The following DPP6 variants were observed in gnomAD, a reference collection of about 807,000 sequenced individuals.
The protein encoded by DPP6 is A-type potassium channel modulatory protein DPP6.
DPP6 carries 69 observed loss-of-function variants against 122.6 expected under a neutral mutation model. That is an observed-to-expected ratio of 0.56 (90% CI 0.46 to 0.69). DPP6 has a LOEUF of 0.69. Ranked by LOEUF, DPP6 falls within the 30% of genes least tolerant of loss-of-function variation. The pLI is 0.00. For synonymous variants in DPP6, 418 were observed against 433.1 expected (o/e 0.97, Z 0.43); for missense variants, 928 against 1,116.9 (o/e 0.83, Z 2.41).
intron 7 of DPP6, among the ~76,000 whole-genome samples, chr7:154,674,884 A>G (rs1586863999): frequency 1.3e-5 from 2 of 152,308 alleles, no homozygotes; most frequent in South Asian, 4.1e-4. Context: ...GGAAAGGCCA[A>G]CTTCCTCATC....
chr7:153,842,102 G>A, the DPP6 span, among the ~76,000 whole-genome samples: 166 of 152,236 alleles, frequency 1.1e-3, no homozygotes, highest in African/African-American at 3.8e-3. Context: ...TAAACATGTC[G>A]TTCCTATAAA....
At chr7:154,411,726 T>C (rs1227158775) in intron 1 of DPP6, among the ~76,000 whole-genome samples, 1 of 152,228 alleles carries the variant, frequency 6.6e-6, no homozygotes, top group Non-Finnish European at 1.5e-5. Context: ...TTTTTAACTT[T>C]TGTTTATAGG....
At chr7:154,779,685 C>T (rs1489559948) in intron 10 of DPP6, among the ~76,000 whole-genome samples, 3 of 152,136 alleles carry the variant, frequency 2.0e-5, no homozygotes, top group African/African-American at 7.2e-5. Flanking sequence ...TCCTGCTTTC[C>T]TCCCTCAGGC....
At chr7:154,351,229 C>T (rs181340720) in intron 1 of DPP6, among the ~76,000 whole-genome samples, 155 of 152,236 alleles carry the variant, frequency 1.0e-3, no homozygotes, top group African/African-American at 3.4e-3. Context: ...TTTATGAGGA[C>T]GGTTTCCCTG....
At chr7:153,850,425 T>C in the DPP6 span, among the ~76,000 whole-genome samples, 17 of 152,090 alleles carry the variant, frequency 1.1e-4, 1 homozygote, top group Admixed American at 9.8e-4. Context: ...AGGGAGCGAG[T>C]CTACTGCCAA....
At chr7:154,636,378 G>A (rs1039627426) in intron 5 of DPP6, among the ~76,000 whole-genome samples, 2 of 152,152 alleles carry the variant, frequency 1.3e-5, no homozygotes, top group Non-Finnish European at 2.9e-5. Context: ...GCCAGCACCA[G>A]GCCCTTCCTT....
intron 1 of DPP6, among the ~76,000 whole-genome samples, chr7:154,380,876 T>G (rs1563575254): frequency 6.6e-6 from 1 of 152,190 alleles, no homozygotes; most frequent in East Asian, 1.9e-4. Flanking sequence ...TTGCCAGGAA[T>G]GCATAGCTTA....
chr7:153,946,950 G>C (rs1801975245), intron 1 of DPP6, among the ~76,000 whole-genome samples: 1 of 152,096 alleles, frequency 6.6e-6, no homozygotes, highest in Non-Finnish European at 1.5e-5. Context: ...AAGAGGAGCG[G>C]ATCTAGAGCC....
chr7:154,889,218 T>A, intron 23 of DPP6, 54 bp from the exon 24 acceptor site: 1 of 1,581,376 alleles, frequency 6.3e-7, no homozygotes, highest in Non-Finnish European at 8.6e-7. Flanking sequence ...GCAGAACACC[T>A]GGCTCCCTGC....
chr7:154,686,414 G>A (rs950554511), intron 7 of DPP6, among the ~76,000 whole-genome samples: 1 of 104,312 alleles, frequency 9.6e-6, no homozygotes, highest in Non-Finnish European at 2.3e-5. Context: ...CCACCATAAG[G>A]ATTTTTTTTT....
chr7:153,920,444 T>A (rs887108), intron 1 of DPP6, among the ~76,000 whole-genome samples: 8 of 152,100 alleles, frequency 5.3e-5, no homozygotes, highest in African/African-American at 1.9e-4. Context: ...ACAAGAGGCC[T>A]CAAAGCAGCG....
intron 8 of DPP6, among the ~76,000 whole-genome samples, chr7:154,754,962 A>T (rs983718723): frequency 5.9e-5 from 9 of 152,148 alleles, no homozygotes; most frequent in Admixed American, 4.6e-4. Flanking sequence ...AACATCATAC[A>T]CTAGGGCCTG....
intron 16 of DPP6, among the ~76,000 whole-genome samples, chr7:154,849,275 A>G (rs1802191869): frequency 6.6e-6 from 1 of 152,214 alleles, no homozygotes; most frequent in Non-Finnish European, 1.5e-5. Context: ...GGTAGTATGG[A>G]CATTTTAACA....
chr7:154,024,703 G>A (rs985783551), intron 1 of DPP6, among the ~76,000 whole-genome samples: 5 of 152,160 alleles, frequency 3.3e-5, no homozygotes, highest in South Asian at 2.1e-4. Flanking sequence ...AGGGTTTATT[G>A]TGTGACTCTT....
intron 3 of DPP6, among the ~76,000 whole-genome samples, chr7:154,531,439 T>C (rs1037072178): frequency 7.2e-5 from 11 of 151,936 alleles, no homozygotes; most frequent in Admixed American, 3.9e-4. Context: ...TCACAGAAAA[T>C]ATTCTTCAAG....
At chr7:154,353,750 A>G (rs1027201885) in intron 1 of DPP6, among the ~76,000 whole-genome samples, 71 of 152,238 alleles carry the variant, frequency 4.7e-4, no homozygotes, top group African/African-American at 1.7e-3. Context: ...ATTTAGGGCC[A>G]GGAAGCCTGC....
chr7:154,750,438 T>C (rs1587019237), intron 8 of DPP6, among the ~76,000 whole-genome samples: 1 of 152,010 alleles, frequency 6.6e-6, no homozygotes, highest in South Asian at 2.1e-4. Context: ...CAGCGGCGGG[T>C]AGTGCGGAAA....
chr7:154,140,485 C>CT (rs1018937371), intron 1 of DPP6, among the ~76,000 whole-genome samples: 1 of 152,026 alleles, frequency 6.6e-6, no homozygotes, highest in African/African-American at 2.4e-5. Context: ...TGTTTATTTA[C>CT]TTTTTTTATA....
intron 1 of DPP6, among the ~76,000 whole-genome samples, chr7:154,260,173 C>T (rs765597830): frequency 1.3e-5 from 2 of 151,990 alleles, no homozygotes; most frequent in Admixed American, 6.6e-5. Context: ...GGGGTGGGAG[C>T]GGTAGGAGAG....
Sources: gnomAD v4.1 joint callset for allele counts (sites outside exome capture counted in the v4.1 genomes callset) on GRCh38, gnomAD v4.1.1 for gene constraint, MANE v1.5 for transcripts, NCBI Gene and HGNC (gene_info 2026-07-23, HGNC 2026-07-21) for gene names.